ADGRB3: variants seen among roughly 807,000 people sequenced by gnomAD.
ADGRB3 encodes the protein adhesion G protein-coupled receptor B3, also known as brain-specific angiogenesis inhibitor 3.
Under a neutral mutation model 193.4 loss-of-function variants are expected in ADGRB3, and 37 were observed. That is an observed-to-expected ratio of 0.19 (90% confidence interval 0.15 to 0.25). The LOEUF is 0.25. Among genes scored for constraint, ADGRB3 ranks in the 10% least tolerant of loss-of-function variants. The probability of loss-of-function intolerance (pLI) is 1.00; values close to 1 mark genes in which losing one functional copy is unlikely to be tolerated. For missense variants in ADGRB3, 1,637 were observed against 1,852.9 expected (o/e 0.88, Z 2.14); for synonymous variants, 690 against 644.2 (o/e 1.07, Z -1.08).
chr6:68,938,400 A>G (rs1767539028), intron 5 of ADGRB3, among the ~76,000 whole-genome samples: 1 of 150,152 alleles, frequency 6.7e-6, no homozygotes, highest in South Asian at 2.1e-4. Context: ...ACTGGCAGGT[A>G]ACATGTATGT....
chr6:68,680,009 A>G lies in ADGRB3; in HGVS notation c.757+40577A>G, dbSNP rs574108532. Among the ~76,000 whole-genome samples the G allele has an allele frequency of 2.9e-3, 439 of 152,248 alleles. 1 individual carries two copies. The highest frequency in any genetic ancestry group is 0.01 in the African/African-American group (426 of 41,546). On this transcript the variant is annotated intron_variant, in intron 3 of 31. Coordinates refer to ENST00000370598, the MANE Select transcript of ADGRB3 (RefSeq NM_001704.3). Reference sequence around the variant, plus strand: ...TGATGACAGTGGGATTAGCGCCCTTACAAAAGTGGACTGAGAGAGACTCCC... The same window carrying G: ...TGATGACAGTGGGATTAGCGCCCTTGCAAAAGTGGACTGAGAGAGACTCCC...
rs1033143248 is a variant in ADGRB3 at position 69,106,531 on chromosome 6, G to A, written c.2480+30493G>A. Among the ~76,000 whole-genome samples, 2 of 152,168 alleles carry A rather than the reference G, an allele frequency of 1.3e-5. 1 individual carries two copies. Among genetic ancestry groups the A allele is most frequent in the South Asian group, 4.1e-4 (2 of 4,832 alleles). ...AAATCACCTTTTGAAAAGTATCTAA[G>A]TAAGTAAAAGCTTTTGCTCCTCAAC... On this transcript the variant is annotated intron_variant, in intron 17 of 31. Coordinates refer to ENST00000370598, the MANE Select transcript of ADGRB3 (RefSeq NM_001704.3).
chr6:69,120,923 G>A (rs1372920951), intron 17 of ADGRB3, among the ~76,000 whole-genome samples: 2 of 150,644 alleles, frequency 1.3e-5, no homozygotes, highest in Non-Finnish European at 3.0e-5. Context: ...AAAAAGAAAA[G>A]AGAAACATGT....
rs1582201364 is a variant in ADGRB3, at chr6:68,787,095, G to T, written c.758-143464G>T. On this transcript the variant is annotated intron_variant, in intron 3 of 31. Transcript: ENST00000370598. ...TTCTAGATATACAATCATGTAATCT[G>T]CAAACAGGGACAATTTGACTTCCTC... 2.6e-5 allele frequency among the ~76,000 whole-genome samples: 4 copies of T among 152,278 alleles called. No individual in the cohort carries two copies. The East Asian group carries it at 7.7e-4, about 29-fold the overall frequency.
chr6:69,002,383 T>G (rs1213928104), intron 11 of ADGRB3, among the ~76,000 whole-genome samples: 1 of 152,144 alleles, frequency 6.6e-6, no homozygotes, highest in Non-Finnish European at 1.5e-5. Context: ...CACGCCTGGC[T>G]AATTTTTGTA....
chr6:68,999,266 CT>C (rs35115621), intron 11 of ADGRB3, among the ~76,000 whole-genome samples: 52,601 of 132,648 alleles, frequency 0.4, 9,208 homozygotes, highest in Middle Eastern at 0.57. Flanking sequence ...TTTCCCTTTT[CT>C]TTTTTTTTTT....
intron 3 of ADGRB3, among the ~76,000 whole-genome samples, chr6:68,756,139 T>G (rs1484371024): frequency 3.3e-5 from 5 of 152,096 alleles, no homozygotes; most frequent in Non-Finnish European, 5.9e-5. Context: ...GTGGGAAATT[T>G]CTTCAGGTCA....
intron 10 of ADGRB3, among the ~76,000 whole-genome samples, chr6:68,976,204 T>C (rs902439337): frequency 6.6e-6 from 1 of 152,148 alleles, no homozygotes; most frequent in African/African-American, 2.4e-5. Context: ...TCCTAAAGAG[T>C]ATTCTTGCTT....
At position 69,377,180 on chromosome 6, in the gene ADGRB3, C is replaced by T. The variant is rs974361003; in HGVS notation, c.4275+4739C>T. ...TTGACATTCACTTTAGGCTAATATT[C>T]AACAACCTACTCTGGAGAGAGGAAT... is the stretch of plus-strand genomic sequence containing the variant. On this transcript the variant is annotated intron_variant, in intron 30 of 31. Coordinates refer to ENST00000370598, the MANE Select transcript of ADGRB3 (RefSeq NM_001704.3). 3.9e-5 allele frequency among the ~76,000 whole-genome samples: 6 copies of T among 152,112 alleles called. No individual in the cohort carries two copies. The East Asian group carries it at 1.2e-3, about 30-fold the overall frequency.
chr6:68,674,332 A>G (rs1245370076), intron 3 of ADGRB3, among the ~76,000 whole-genome samples: 1 of 152,202 alleles, frequency 6.6e-6, no homozygotes, highest in Non-Finnish European at 1.5e-5. Flanking sequence ...GGCATGAAAC[A>G]TTGTAAGACA....
chr6:68,751,744 T>C (rs1014104083), intron 3 of ADGRB3, among the ~76,000 whole-genome samples: 3 of 152,120 alleles, frequency 2.0e-5, no homozygotes, highest in Non-Finnish European at 2.9e-5. Flanking sequence ...TTGGAATCCA[T>C]TCAGTGCTAA....
intron 17 of ADGRB3, among the ~76,000 whole-genome samples, chr6:69,163,259 T>A (rs997806575): frequency 3.3e-5 from 5 of 152,060 alleles, no homozygotes; most frequent in Non-Finnish European, 5.9e-5. Context: ...TGTGTTTTTC[T>A]TACTACTACT....
intron 31 of ADGRB3, among the ~76,000 whole-genome samples, chr6:69,383,317 T>A (rs1204780828): frequency 6.6e-6 from 1 of 152,018 alleles, no homozygotes; most frequent in Non-Finnish European, 1.5e-5. Flanking sequence ...TTTATGTATA[T>A]GAAGTTGTAA....
Position 68,786,501 on chromosome 6 carries a change from C to G in ADGRB3, c.758-144058C>G, listed in dbSNP as rs1278841722. Among the ~76,000 whole-genome samples the G allele has an allele frequency of 5.9e-5, 9 of 152,058 alleles. No individual in the cohort carries two copies. The East Asian group carries it at 1.3e-3, about 23-fold the overall frequency. On this transcript the variant is annotated intron_variant, in intron 3 of 31. Transcript: ENST00000370598. ...TTATTTCTGAGGGCTCTGTTCTGTTCCATTGGTCTATATCTCTGTTTTGGT... is the reference window on the plus strand; with the variant it reads ...TTATTTCTGAGGGCTCTGTTCTGTTGCATTGGTCTATATCTCTGTTTTGGT...
In ADGRB3 at chr6:69,332,956, A is replaced by C; in HGVS notation, c.3136A>C (p.Lys1046Gln). The C allele has an allele frequency of 6.2e-7, 1 of 1,613,862 alleles. No homozygotes were observed. The highest frequency in any genetic ancestry group is 8.5e-7 in the Non-Finnish European group (1 of 1,179,868). ...GGTGATTGGCATTTTGGTATTTAAT[A>C]AACTTGTTTCCAGAGATGGAATCCT... ...NMVIGILVFN[K>Q]LVSRDGILDK... is the part of the protein sequence containing the mutation. Residue 1046 changes from lysine to glutamine, a missense_variant, in exon 24 of 32, where the codon AAA becomes CAA. Lys to Gln is a moderately conservative substitution (Grantham distance 53, BLOSUM62 1). Around this residue, in one of 7 missense-constraint regions of ADGRB3, gnomAD observed 87 missense variants for 161.0 expected, o/e 0.54. Transcript: ENST00000370598.
intron 3 of ADGRB3, among the ~76,000 whole-genome samples, chr6:68,655,597 G>A (rs1399504443): frequency 6.6e-6 from 1 of 151,628 alleles, no homozygotes; most frequent in Non-Finnish European, 1.5e-5. Flanking sequence ...GAAATGTATT[G>A]CATCTTTAAT....
intron 3 of ADGRB3, among the ~76,000 whole-genome samples, chr6:68,871,484 TA>T (rs1765453717): frequency 6.6e-6 from 1 of 152,120 alleles, no homozygotes; most frequent in Non-Finnish European, 1.5e-5. Context: ...ATCAATTTTG[TA>T]CTCATTAAAA....
chr6:68,759,510 T>G (rs1364532255), intron 3 of ADGRB3, among the ~76,000 whole-genome samples: 2 of 152,130 alleles, frequency 1.3e-5, no homozygotes, highest in Admixed American at 1.3e-4. Context: ...CTTGGTCTCT[T>G]TATTTTTAAT....
At chr6:68,894,541 G>C (rs1225852860) in intron 3 of ADGRB3, among the ~76,000 whole-genome samples, 1 of 151,852 alleles carries the variant, frequency 6.6e-6, no homozygotes, top group Non-Finnish European at 1.5e-5. Context: ...ACTGCACTTT[G>C]TTCCCTTTAT....
Sources: gnomAD v4.1 joint callset for allele counts (sites outside exome capture counted in the v4.1 genomes callset) on GRCh38, gnomAD v4.1.1 for gene constraint, gnomAD v4.1.1 regional missense constraint, MANE v1.5 for transcripts, NCBI Gene and HGNC (gene_info 2026-07-23, HGNC 2026-07-21) for gene names.